The following PTPRU variants were observed in gnomAD, a reference collection of about 807,000 sequenced individuals.
The protein encoded by PTPRU is receptor-type tyrosine-protein phosphatase U.
Under a neutral mutation model 166.3 loss-of-function variants are expected in PTPRU, and 69 were observed. That is an observed-to-expected ratio of 0.41 (90% CI 0.34 to 0.51). The LOEUF is 0.51. PTPRU is among the 20% of genes least tolerant of loss of function. The pLI is 0.09. For synonymous variants in PTPRU, 793 were observed against 814.0 expected, an observed-to-expected ratio of 0.97 and a Z score of 0.44; for missense variants, 1,657 against 2,013.7, an observed-to-expected ratio of 0.82 and a Z score of 3.39.
At chr1:29,323,295 C>T in intron 26 of PTPRU, 76 bp from the exon 27 acceptor site, 2 of 1,544,636 alleles carry the variant, frequency 1.3e-6, no homozygotes, top group Non-Finnish European at 1.7e-6. Context: ...GTGTGGAGCC[C>T]TTGGGGTGGG....
Position 29,323,399 on chromosome 1 carries a change from G to T in PTPRU, c.3857G>T (p.Gly1286Val), listed in dbSNP as rs1263712549. Reference protein sequence around the residue: ...WPCLQYWPEPGRQQYGLMEVE... With the variant: ...WPCLQYWPEPVRQQYGLMEVE... Reference sequence around the variant, plus strand: ...TGCCTGCAGTACTGGCCAGAGCCAGGCCGGCAGCAATATGGCCTCATGGAG... The same window carrying T: ...TGCCTGCAGTACTGGCCAGAGCCAGTCCGGCAGCAATATGGCCTCATGGAG... The change falls in exon 27 of 30, where the codon GGC (glycine) becomes GTC (valine). Residue 1286 changes from glycine to valine, a missense_variant. Physicochemically the swap from Gly to Val is moderately radical, Grantham distance 109. Transcript: ENST00000373779. 6.2e-7 allele frequency: 1 copy of T among 1,608,972 alleles called. No homozygotes were observed. The highest frequency in any genetic ancestry group is 8.5e-7 in the Non-Finnish European group (1 of 1,177,766).
chr1:29,296,170 A>G (rs1333616548), intron 15 of PTPRU, among the ~76,000 whole-genome samples: 1 of 152,142 alleles, frequency 6.6e-6, no homozygotes, highest in Non-Finnish European at 1.5e-5. Flanking sequence ...TACTGTGTTG[A>G]ATAGACTGGT....
intron 7 of PTPRU, among the ~76,000 whole-genome samples, chr1:29,267,836 A>G (rs1685371689): frequency 6.6e-6 from 1 of 152,218 alleles, no homozygotes; most frequent in Non-Finnish European, 1.5e-5. Flanking sequence ...AAGGTGCCGC[A>G]GAGACCAGGG....
Position 29,260,163 on chromosome 1 carries a change from GGGGC to G in PTPRU, c.850+121_850+124del. 8.7e-7 allele frequency: 1 copy of G among 1,149,134 alleles called. No homozygotes were observed. The highest frequency in any genetic ancestry group is 1.1e-6 in the Non-Finnish European group (1 of 882,454). 71.2% of individuals were successfully genotyped at this position (1,149,134 alleles called of 1,614,324 possible). The stretch of plus-strand genomic sequence containing the variant: ...GGGGTGGGGCCGGCAGGGTGTCGCT[GGGGC>G]GCTATCTGAAGATGGGCCTGTGGAA... On this transcript the variant is annotated intron_variant, in intron 6 of 29. Transcript: ENST00000373779. The surrounding 1 kb of genome is among the most constrained non-coding windows in gnomAD (Gnocchi z 8.3).
chr1:29,263,388 A>G (rs1399608868), intron 7 of PTPRU, among the ~76,000 whole-genome samples: 1 of 152,218 alleles, frequency 6.6e-6, no homozygotes, highest in Non-Finnish European at 1.5e-5. Context: ...ATACAAATAT[A>G]TCACATTTTA....
Position 29,271,281 on chromosome 1 carries a change from C to A in PTPRU, c.1145-4167C>A, listed in dbSNP as rs1400363062. Among the ~76,000 whole-genome samples the A allele has an allele frequency of 6.6e-6, 1 of 152,174 alleles. No homozygotes were observed. Among genetic ancestry groups the A allele is most frequent in the African/African-American group, 2.4e-5 (1 of 41,422 alleles). On this transcript the variant is annotated intron_variant, in intron 7 of 29. Transcript: ENST00000373779. This position sits in a 1 kb window ranked among gnomAD's most constrained non-coding sequence, Gnocchi z 4.4. ...GTGTTGACAGTTGAAGAGAGTGTGT[C>A]TGGGTGCCAGATGGTTTTTAGAAAC...
At chr1:29,262,460 A>G (rs1365892957) in intron 7 of PTPRU, among the ~76,000 whole-genome samples, 1 of 152,210 alleles carries the variant, frequency 6.6e-6, no homozygotes, top group Admixed American at 6.5e-5. Context: ...TGAGTACAAT[A>G]CAATAAGATA....
At chr1:29,259,025 T>G (rs1003865923) in intron 3 of PTPRU, among the ~76,000 whole-genome samples, 2 of 152,122 alleles carry the variant, frequency 1.3e-5, no homozygotes, top group East Asian at 1.9e-4. Context: ...GGAAACTCTG[T>G]CTGGCTGCTT....
chr1:29,240,586 CTGGG>C (rs1684004396), intron 1 of PTPRU, among the ~76,000 whole-genome samples: 1 of 152,078 alleles, frequency 6.6e-6, no homozygotes, highest in Non-Finnish European at 1.5e-5. Flanking sequence ...AGAGTGTCAT[CTGGG>C]AGCTTTGAGT....
At chr1:29,252,261 T>C (rs573763363) in intron 1 of PTPRU, among the ~76,000 whole-genome samples, 1,837 of 116,894 alleles carry the variant, frequency 0.016, 21 homozygotes, top group African/African-American at 0.041. Flanking sequence ...TGTGTTTTTC[T>C]TTTTTCTTTC....
intron 5 of PTPRU, 32 bp downstream of exon 5, chr1:29,259,596 GGGGTGGGA>G: frequency 1.8e-5 from 27 of 1,500,660 alleles, no homozygotes; most frequent in Non-Finnish European, 2.2e-5. Context: ...GGCTGGGGGC[GGGGTGGGA>G]GGGGGTTGGT....
At chr1:29,264,737 G>A (rs1296332170) in intron 7 of PTPRU, among the ~76,000 whole-genome samples, 4 of 152,084 alleles carry the variant, frequency 2.6e-5, no homozygotes, top group Non-Finnish European at 5.9e-5. Flanking sequence ...AACTCCTGAT[G>A]TCAGGTGATC....
In PTPRU at chr1:29,241,888, C is replaced by T. The variant is rs116362274; in HGVS notation, c.73+5171C>T. The stretch of plus-strand genomic sequence containing the variant: ...GATTACAGGCGTGAACCACAGCGCA[C>T]GGCCTTTTCTTCTTTTTTATTCAGA... On this transcript the variant is annotated intron_variant, in intron 1 of 29. Transcript: ENST00000373779. Among the ~76,000 whole-genome samples, 1,038 of 149,116 alleles carry T rather than the reference C, an allele frequency of 7.0e-3. 14 individuals carry two copies. Among genetic ancestry groups the T allele is most frequent in the African/African-American group, 0.025 (1,001 of 40,332 alleles).
intron 12 of PTPRU, chr1:29,283,602 G>T: frequency 2.7e-6 from 1 of 374,140 alleles, no homozygotes; most frequent in Non-Finnish European, 4.8e-6. Context: ...TCCCTCCTCT[G>T]CTTCTTGCCT....
intron 7 of PTPRU, among the ~76,000 whole-genome samples, chr1:29,264,150 G>C (rs886352980): frequency 6.7e-6 from 1 of 148,458 alleles, no homozygotes; most frequent in African/African-American, 2.5e-5. Context: ...CTCCAGCCTG[G>C]GTGACAGACT....
rs34816026 is a variant in PTPRU at position 29,287,593 on chromosome 1, G to GTT, written c.2318+2743_2318+2744dup. Among the ~76,000 whole-genome samples the GTT allele has an allele frequency of 1.8e-3, 228 of 129,884 alleles. 1 individual carries two copies. Among genetic ancestry groups the GTT allele is most frequent in the African/African-American group, 5.6e-3 (199 of 35,252 alleles). The allele number at this position is 129,884 out of a possible 152,430, so 85.2% of individuals were successfully genotyped here. ...ATTATTAACCTCACTGTGTATGTAT[G>GTT]TTTTTTTTTTTTTTTTTTTTAAATG... On this transcript the variant is annotated intron_variant, in intron 14 of 29. Coordinates refer to ENST00000373779, the MANE Select transcript of PTPRU (RefSeq NM_133178.4).
chr1:29,272,763 T>C (rs1685616389), intron 7 of PTPRU, among the ~76,000 whole-genome samples: 1 of 151,642 alleles, frequency 6.6e-6, no homozygotes, highest in Non-Finnish European at 1.5e-5. Flanking sequence ...AAAAATTAGC[T>C]GGGCTTGGTG....
Position 29,315,580 on chromosome 1 carries a change from C to G in PTPRU, c.3363+73C>G. On this transcript the variant is annotated intron_variant, in intron 23 of 29. Transcript: ENST00000373779. This position sits in a 1 kb window ranked among gnomAD's most constrained non-coding sequence, Gnocchi z 4.5. ...AGTTTCTCGTGAAGGATCCTGGAGCCGGCAGAGCATGCCCAAAGGGTGTCC... is the reference window on the plus strand; with the variant it reads ...AGTTTCTCGTGAAGGATCCTGGAGCGGGCAGAGCATGCCCAAAGGGTGTCC... 1 of 1,593,944 alleles carries G rather than the reference C, an allele frequency of 6.3e-7. No homozygotes were observed. Among genetic ancestry groups the G allele is most frequent in the Non-Finnish European group, 8.6e-7 (1 of 1,166,162 alleles).
chr1:29,269,246 A>ATTTTT (rs1175870568), intron 7 of PTPRU, among the ~76,000 whole-genome samples: 1,752 of 20,672 alleles, frequency 0.085, 542 homozygotes, highest in Non-Finnish European at 0.15. Flanking sequence ...ATATATATAT[A>ATTTTT]TTTTTTTTTT....
Sources: allele counts gnomAD v4.1 joint callset (sites outside exome capture counted in the v4.1 genomes callset), GRCh38; gene constraint gnomAD v4.1.1; non-coding constraint Gnocchi (gnomAD v3.1); transcripts MANE v1.5; gene names NCBI Gene and HGNC (gene_info 2026-07-23, HGNC 2026-07-21).